The following PRKN variants were observed in gnomAD, a reference collection of about 807,000 sequenced individuals.
PRKN encodes the protein parkin RBR E3 ubiquitin protein ligase.
Under a neutral mutation model 59.5 loss-of-function variants are expected in PRKN, and 56 were observed. The ratio of observed to expected loss-of-function variants is 0.94; its 90% CI spans 0.76 to 1.18. The LOEUF is 1.18. PRKN is among the 50% of genes most tolerant of loss of function. The pLI is 0.00. For missense variants in PRKN, 657 were observed against 596.4 expected (o/e 1.10, Z -1.06); for synonymous variants, 250 against 222.1 (o/e 1.13, Z -1.12).
intron 6 of PRKN, among the ~76,000 whole-genome samples, chr6:161,963,523 C>T (rs773871813): frequency 5.3e-5 from 8 of 152,182 alleles, no homozygotes; most frequent in African/African-American, 1.9e-4. Flanking sequence ...TCTATGCTTT[C>T]GTAAGTAACT....
chr6:161,553,291 A>C (rs1780109591), intron 8 of PRKN, among the ~76,000 whole-genome samples: 1 of 151,998 alleles, frequency 6.6e-6, no homozygotes, highest in Non-Finnish European at 1.5e-5. Flanking sequence ...TTTTCCTATA[A>C]ATTGATAATT....
intron 3 of PRKN, among the ~76,000 whole-genome samples, chr6:162,221,487 T>G (rs1223678255): frequency 6.6e-6 from 1 of 152,186 alleles, no homozygotes; most frequent in Non-Finnish European, 1.5e-5. Flanking sequence ...CATGCTTTAT[T>G]CAGTAATTCA....
At chr6:161,797,634 G>A (rs1325523840) in intron 6 of PRKN, among the ~76,000 whole-genome samples, 1 of 152,210 alleles carries the variant, frequency 6.6e-6, no homozygotes, top group East Asian at 1.9e-4. Flanking sequence ...GGTTTGAAAT[G>A]AGGAGTCTGC....
intron 6 of PRKN, among the ~76,000 whole-genome samples, chr6:161,845,988 A>G (rs1793183536): frequency 6.6e-6 from 1 of 152,196 alleles, no homozygotes. Flanking sequence ...GAAAACGGGG[A>G]GAGATTGCTC....
Position 161,809,392 on chromosome 6 carries a change from A to G in PRKN, c.735-23484T>C, listed in dbSNP as rs1003881964. On this transcript the variant is annotated intron_variant, in intron 6 of 11. Transcript: ENST00000366898. Reference sequence around the variant, plus strand: ...ATGGTGACAATGAATCTGAAGTACAATGTCAAGGGTTTAGATAACAATGTT... The same window carrying G: ...ATGGTGACAATGAATCTGAAGTACAGTGTCAAGGGTTTAGATAACAATGTT... Among the ~76,000 whole-genome samples the G allele has an allele frequency of 8.5e-5, 13 of 152,224 alleles. 1 individual carries two copies. Among genetic ancestry groups the G allele is most frequent in the Admixed American group, 4.6e-4 (7 of 15,278 alleles).
chr6:162,108,211 C>G (rs1780274544), intron 4 of PRKN, among the ~76,000 whole-genome samples: 1 of 152,114 alleles, frequency 6.6e-6, no homozygotes, highest in African/African-American at 2.4e-5. Flanking sequence ...GTTCCACATG[C>G]CAATGCCAAG....
intron 1 of PRKN, among the ~76,000 whole-genome samples, chr6:162,619,700 C>G (rs924801590): frequency 1.4e-5 from 1 of 70,886 alleles, no homozygotes; most frequent in Admixed American, 2.2e-4. Flanking sequence ...TATCCTTTCA[C>G]TTTTTCCACT....
intron 6 of PRKN, among the ~76,000 whole-genome samples, chr6:161,946,414 A>ACACTCTCTCT (rs1247187053): frequency 8.7e-6 from 1 of 114,448 alleles, no homozygotes; most frequent in Non-Finnish European, 1.7e-5. Flanking sequence ...ACACACACAC[A>ACACTCTCTCT]CTCTCTCTCT....
chr6:161,855,340 T>G (rs541948749), intron 6 of PRKN, among the ~76,000 whole-genome samples: 1 of 152,150 alleles, frequency 6.6e-6, no homozygotes, highest in Non-Finnish European at 1.5e-5. Context: ...ATATCAGACA[T>G]CTAACCTACC....
At chr6:162,189,614 A>T (rs1172723294) in intron 4 of PRKN, among the ~76,000 whole-genome samples, 1 of 151,862 alleles carries the variant, frequency 6.6e-6, no homozygotes, top group Non-Finnish European at 1.5e-5. Context: ...TGCCCCAAGG[A>T]AATGAATCTA....
chr6:162,138,278 A>G (rs1164006739), intron 4 of PRKN, among the ~76,000 whole-genome samples: 1 of 152,190 alleles, frequency 6.6e-6, no homozygotes, highest in Non-Finnish European at 1.5e-5. Flanking sequence ...ACCTTATGGT[A>G]CTTGAGGCAT....
chr6:161,821,711 C>T (rs1288811891), intron 6 of PRKN, among the ~76,000 whole-genome samples: 1 of 118,486 alleles, frequency 8.4e-6, no homozygotes, highest in Non-Finnish European at 1.7e-5. Context: ...AATATTTCCA[C>T]TGGTGTTCTT....
At chr6:161,707,358 G>A (rs936844927) in intron 7 of PRKN, among the ~76,000 whole-genome samples, 1 of 152,146 alleles carries the variant, frequency 6.6e-6, no homozygotes, top group African/African-American at 2.4e-5. Context: ...TTGAGGAAAC[G>A]CCGGTATGCT....
intron 9 of PRKN, among the ~76,000 whole-genome samples, chr6:161,441,425 A>C (rs1192605488): frequency 1.3e-5 from 2 of 152,126 alleles, no homozygotes; most frequent in Non-Finnish European, 2.9e-5. Flanking sequence ...CGGGCGGATC[A>C]CTTGAGGTCA....
chr6:162,250,628 T>G (rs1331072013), intron 3 of PRKN, among the ~76,000 whole-genome samples: 1 of 152,228 alleles, frequency 6.6e-6, no homozygotes, highest in Non-Finnish European at 1.5e-5. Flanking sequence ...CCATTCACTT[T>G]CATCTAATTG....
chr6:162,480,924 G>A (rs950210968), intron 1 of PRKN, among the ~76,000 whole-genome samples: 2 of 151,960 alleles, frequency 1.3e-5, no homozygotes, highest in Non-Finnish European at 2.9e-5. Context: ...TCCCGCCTCA[G>A]CCTCCTGAGT....
At position 161,391,530 on chromosome 6, in the gene PRKN, A is replaced by G. The variant is rs1303008671; in HGVS notation, c.1084-4653T>C. ...CTCTCTAAAGTCTATTCCCTTATAG[A>G]TTTGGTTAGAAGGCAATCAAACACA... On this transcript the variant is annotated intron_variant, in intron 9 of 11. Coordinates refer to ENST00000366898, the MANE Select transcript of PRKN (RefSeq NM_004562.3). The surrounding 1 kb of genome is among the most constrained non-coding windows in gnomAD (Gnocchi z 4.9). Among the ~76,000 whole-genome samples, 1 of 151,736 alleles carries G rather than the reference A, an allele frequency of 6.6e-6. No homozygotes were observed.
chr6:162,679,081 T>TATTTATTTATTC lies in PRKN; in HGVS notation c.7+48580_7+48581insGAATAAATAAAT, dbSNP rs1198176598. 3.4e-5 allele frequency among the ~76,000 whole-genome samples: 5 copies of TATTTATTTATTC among 147,080 alleles called. No homozygotes were observed. In the Admixed American group the frequency reaches 3.4e-4, roughly 10 times the overall value. On this transcript the variant is annotated intron_variant, in intron 1 of 11. Coordinates refer to ENST00000366898, the MANE Select transcript of PRKN (RefSeq NM_004562.3). Reference sequence around the variant, plus strand: ...TGAGCCACTGTGCCTGGCCTTTATTTATTTATTTATTTATTTATTTATTTA... The same window carrying TATTTATTTATTC: ...TGAGCCACTGTGCCTGGCCTTTATTTATTTATTTATTCATTTATTTATTTATTTATTTATTTA...
chr6:162,490,343 T>C (rs1417031572), intron 1 of PRKN, among the ~76,000 whole-genome samples: 1 of 152,208 alleles, frequency 6.6e-6, no homozygotes, highest in African/African-American at 2.4e-5. Flanking sequence ...GCAACCAACA[T>C]TTAACTTCAC....
Sources: gnomAD v4.1 joint callset for allele counts (sites outside exome capture counted in the v4.1 genomes callset) on GRCh38, gnomAD v4.1.1 for gene constraint, Gnocchi (gnomAD v3.1) non-coding constraint, MANE v1.5 for transcripts, NCBI Gene and HGNC (gene_info 2026-07-23, HGNC 2026-07-21) for gene names.